The following RIPOR2 variants were observed in gnomAD, a reference collection of about 807,000 sequenced individuals.
The protein encoded by RIPOR2 is RHO family interacting cell polarization regulator 2, also known as rho family-interacting cell polarization regulator 2.
RIPOR2 carries 39 observed loss-of-function variants against 114.5 expected under a neutral mutation model. The ratio of observed to expected loss-of-function variants is 0.34; its 90% CI spans 0.26 to 0.44. The LOEUF (loss-of-function observed/expected upper bound fraction) is 0.44, where lower values mean the gene tolerates loss of function less well. RIPOR2 is among the 20% of genes least tolerant of loss of function. The probability of loss-of-function intolerance (pLI) is 1.00; values close to 1 mark genes in which losing one functional copy is unlikely to be tolerated. For missense variants in RIPOR2, 1,007 were observed against 1,255.1 expected, an observed-to-expected ratio of 0.80 and a Z score of 2.99; for synonymous variants, 445 against 484.4, an observed-to-expected ratio of 0.92 and a Z score of 1.07.
At chr6:24,829,084 C>G (rs1417316014) in intron 17 of RIPOR2, among the ~76,000 whole-genome samples, 1 of 151,596 alleles carries the variant, frequency 6.6e-6, no homozygotes, top group Non-Finnish European at 1.5e-5. Flanking sequence ...GAGGCTGAGG[C>G]AGGTGAATCA....
At position 24,806,206 on chromosome 6, in the gene RIPOR2, G is replaced by A; in HGVS notation, c.*167C>T. 3.3e-6 allele frequency: 2 copies of A among 613,402 alleles called. No individual in the cohort carries two copies. Among genetic ancestry groups the A allele is most frequent in the East Asian group, 2.9e-5 (1 of 34,366 alleles). The allele number at this position is 613,402 out of a possible 1,614,324, so 38.0% of individuals were successfully genotyped here. On this transcript the variant is annotated 3_prime_UTR_variant, in exon 22 of 22. Transcript: ENST00000643898. ...GGGCTTAAGCAATTCTCCTGCGTTGGCCTCCCAAAGTACTGGGATTACAGG... is the reference window on the plus strand; with the variant it reads ...GGGCTTAAGCAATTCTCCTGCGTTGACCTCCCAAAGTACTGGGATTACAGG...
chr6:24,910,149 G>A (rs958687082), intron 1 of RIPOR2, among the ~76,000 whole-genome samples: 3 of 152,144 alleles, frequency 2.0e-5, no homozygotes, highest in African/African-American at 4.8e-5. Context: ...TCCTGCTAGG[G>A]TGCTCCTGTC....
intron 1 of RIPOR2, among the ~76,000 whole-genome samples, chr6:24,891,527 C>T (rs1422301538): frequency 6.6e-6 from 1 of 150,826 alleles, no homozygotes; most frequent in Non-Finnish European, 1.5e-5. Flanking sequence ...AAAAAAAAGG[C>T]CACCTAATTC....
At chr6:24,856,064 CTT>C (rs1763442899) in intron 8 of RIPOR2, among the ~76,000 whole-genome samples, 1 of 152,110 alleles carries the variant, frequency 6.6e-6, no homozygotes, top group Admixed American at 6.5e-5. Flanking sequence ...AGTTGAGAGT[CTT>C]AAATGAACGC....
chr6:24,806,613 G>C (rs759024282), intron 21 of RIPOR2, 140 bp from the exon 22 acceptor site: 2 of 608,826 alleles, frequency 3.3e-6, no homozygotes, highest in South Asian at 2.3e-5. Context: ...GTTATCTTTT[G>C]TTATTCCTAA....
At position 24,823,334 on chromosome 6, in the gene RIPOR2, T is replaced by C. The variant is rs1759865250; in HGVS notation, c.2868+1892A>G. On this transcript the variant is annotated intron_variant, in intron 19 of 21. Transcript: ENST00000643898. ...TAGGTAGTAATCCAAATTCTGTTACTTAACTAGTCTTAGTCAAGTTTAACT... is the reference window on the plus strand; with the variant it reads ...TAGGTAGTAATCCAAATTCTGTTACCTAACTAGTCTTAGTCAAGTTTAACT... Among the ~76,000 whole-genome samples the C allele has an allele frequency of 2.0e-5, 3 of 152,252 alleles. No individual in the cohort carries two copies. In the South Asian group the frequency reaches 6.2e-4, roughly 32 times the overall value.
At chr6:24,862,255 TAAGCAGCAGTCTCCATTG>T (rs1188348753) in intron 7 of RIPOR2, among the ~76,000 whole-genome samples, 1 of 152,242 alleles carries the variant, frequency 6.6e-6, no homozygotes, top group Non-Finnish European at 1.5e-5. Context: ...TCTGCTATGC[TAAGCAGCAGTCTCCATTG>T]AAGCTTGATG....
At chr6:24,913,063 C>T (rs1018147927) in intron 1 of RIPOR2, among the ~76,000 whole-genome samples, 6 of 152,122 alleles carry the variant, frequency 3.9e-5, no homozygotes, top group African/African-American at 1.4e-4. Context: ...CTTTTTACTA[C>T]AGCACATTCC....
At chr6:24,825,739 T>C (rs1222801481) in intron 18 of RIPOR2, among the ~76,000 whole-genome samples, 1 of 151,978 alleles carries the variant, frequency 6.6e-6, no homozygotes, top group Non-Finnish European at 1.5e-5. Context: ...AAAATACAAT[T>C]AGACATTTTT....
At chr6:25,018,380 A>G (rs1776121538) in intron 1 of RIPOR2, among the ~76,000 whole-genome samples, 4 of 152,220 alleles carry the variant, frequency 2.6e-5, no homozygotes, top group Admixed American at 2.0e-4. Flanking sequence ...ACCAAAAAAG[A>G]GTTTGTATAT....
intron 1 of RIPOR2, among the ~76,000 whole-genome samples, chr6:24,919,850 C>G (rs1770346777): frequency 6.6e-6 from 1 of 152,174 alleles, no homozygotes; most frequent in African/African-American, 2.4e-5. Flanking sequence ...GCCTCTTCAC[C>G]ACTGAGAATA....
At chr6:24,879,289 T>C (rs904486444) in intron 1 of RIPOR2, among the ~76,000 whole-genome samples, 2 of 152,156 alleles carry the variant, frequency 1.3e-5, no homozygotes, top group African/African-American at 4.8e-5. Flanking sequence ...GCGGCTGCCG[T>C]GAGAGGAGAT....
At chr6:25,018,613 C>T (rs189582745) in intron 1 of RIPOR2, among the ~76,000 whole-genome samples, 311 of 152,282 alleles carry the variant, frequency 2.0e-3, no homozygotes, top group African/African-American at 6.3e-3. Context: ...TTGGTTTGCG[C>T]GAATTGCTTC....
At chr6:24,966,646 A>T (rs1267544903) in intron 1 of RIPOR2, among the ~76,000 whole-genome samples, 1 of 152,154 alleles carries the variant, frequency 6.6e-6, no homozygotes, top group Non-Finnish European at 1.5e-5. Context: ...GTTATGTGGG[A>T]GGCTCATCCT....
chr6:24,971,174 C>T (rs916596344), intron 1 of RIPOR2, among the ~76,000 whole-genome samples: 5 of 152,196 alleles, frequency 3.3e-5, no homozygotes, highest in Admixed American at 2.6e-4. Context: ...TAATTAATAG[C>T]AGTTGTGGCT....
intron 1 of RIPOR2, chr6:24,947,852 T>C (rs1368170727): frequency 6.6e-6 from 1 of 152,208 alleles, no homozygotes; most frequent in Non-Finnish European, 1.5e-5. Flanking sequence ...ATAAGTTAAC[T>C]CTCGCATGTT....
intron 1 of RIPOR2, among the ~76,000 whole-genome samples, chr6:24,927,347 CCAT>C (rs1262858361): frequency 6.8e-6 from 1 of 148,096 alleles, no homozygotes; most frequent in Non-Finnish European, 1.5e-5. Context: ...ACCACCATCA[CCAT>C]CATCGTGAAT....
upstream of RIPOR2, among the ~76,000 whole-genome samples, chr6:24,936,643 T>G (rs1771823521): frequency 6.6e-6 from 1 of 152,104 alleles, no homozygotes; most frequent in Non-Finnish European, 1.5e-5. Flanking sequence ...AAGAAGAAAA[T>G]GTAACTCAAA....
At chr6:24,936,141 A>C (rs1771792559), upstream of RIPOR2, 1 of 467,076 alleles carries the variant, frequency 2.1e-6, no homozygotes, top group African/African-American at 2.0e-5. Flanking sequence ...AGAGGGCTGC[A>C]GATCCGGTTG....
Sources: allele counts gnomAD v4.1 joint callset (sites outside exome capture counted in the v4.1 genomes callset), GRCh38; gene constraint gnomAD v4.1.1; transcripts MANE v1.5; gene names NCBI Gene and HGNC (gene_info 2026-07-23, HGNC 2026-07-21).